UGGT1: variants seen among roughly 807,000 people sequenced by gnomAD.
UGGT1 encodes the protein UDP-glucose glycoprotein glucosyltransferase 1.
Under a neutral mutation model 203.9 loss-of-function variants are expected in UGGT1, and 107 were observed. The observed-to-expected ratio is 0.52, with a 90% confidence interval of 0.45 to 0.62. The LOEUF is 0.62. Ranked by LOEUF, UGGT1 falls within the 20% of genes least tolerant of loss-of-function variation. UGGT1 has a pLI of 0.00. For synonymous variants in UGGT1, 628 were observed against 653.5 expected (o/e 0.96, Z 0.59); for missense variants, 1,673 against 1,867.2 (o/e 0.90, Z 1.92).
intron 2 of UGGT1, among the ~76,000 whole-genome samples, chr2:128,098,122 C>T (rs932734179): frequency 4.6e-5 from 7 of 152,150 alleles, no homozygotes; most frequent in African/African-American, 7.2e-5. Context: ...CTTGGCCTCC[C>T]AAAGTGCTGG....
chr2:128,186,621 A>T, intron 38 of UGGT1, 62 bp from the exon 39 acceptor site: 1 of 1,396,942 alleles, frequency 7.2e-7, no homozygotes, highest in Non-Finnish European at 9.9e-7. Context: ...TAAATAAATA[A>T]ATAAATATCG....
At chr2:128,124,240 C>T (rs1688511212) in intron 11 of UGGT1, among the ~76,000 whole-genome samples, 1 of 152,184 alleles carries the variant, frequency 6.6e-6, no homozygotes, top group African/African-American at 2.4e-5. Flanking sequence ...GCCACCGCGC[C>T]CAGCCAACTT....
chr2:128,180,421 C>T (rs1327120172), intron 35 of UGGT1, among the ~76,000 whole-genome samples: 1 of 152,162 alleles, frequency 6.6e-6, no homozygotes, highest in Non-Finnish European at 1.5e-5. Flanking sequence ...CACTTTACTG[C>T]TGGCGCCTAA....
chr2:128,092,836 G>C (rs1468901257), intron 1 of UGGT1, among the ~76,000 whole-genome samples: 1 of 151,964 alleles, frequency 6.6e-6, no homozygotes, highest in Non-Finnish European at 1.5e-5. Flanking sequence ...GTTGATAGTT[G>C]GGCCTAGAAC....
chr2:128,180,266 A>AT (rs1365463368), intron 35 of UGGT1, among the ~76,000 whole-genome samples: 1 of 152,340 alleles, frequency 6.6e-6, no homozygotes, highest in African/African-American at 2.4e-5. Context: ...TCTGTGCAAA[A>AT]CAAAACACGT....
At chr2:128,181,989 G>A in intron 36 of UGGT1, 141 bp from the exon 37 acceptor site, 1 of 696,108 alleles carries the variant, frequency 1.4e-6, no homozygotes, top group Non-Finnish European at 2.4e-6. Context: ...AGCAATCAAA[G>A]TGCATCTGCC....
chr2:128,169,551 A>G (rs973871107), intron 26 of UGGT1, among the ~76,000 whole-genome samples: 27 of 152,224 alleles, frequency 1.8e-4, no homozygotes, highest in African/African-American at 6.0e-4. Context: ...TCTCATGTCT[A>G]GCACTTCCTT....
chr2:128,122,498 C>T (rs903868819), intron 10 of UGGT1, among the ~76,000 whole-genome samples: 4 of 151,068 alleles, frequency 2.6e-5, no homozygotes, highest in Non-Finnish European at 4.4e-5. Flanking sequence ...CATGCCATTG[C>T]ACTCCAGCCT....
intron 26 of UGGT1, among the ~76,000 whole-genome samples, chr2:128,169,142 A>C (rs544518532): frequency 6.9e-6 from 1 of 145,136 alleles, no homozygotes; most frequent in East Asian, 2.2e-4. Flanking sequence ...AAGCCAAGGC[A>C]GGAGGATCAC....
rs748641641 is a variant in UGGT1, at chr2:128,129,026, C to T, written c.1227-3C>T. 1.9e-6 allele frequency: 3 copies of T among 1,563,332 alleles called. No homozygotes were observed. Among genetic ancestry groups the T allele is most frequent in the African/African-American group, 1.4e-5 (1 of 71,790 alleles). On this transcript the variant is annotated splice_region_variant and splice_polypyrimidine_tract_variant and intron_variant, in intron 12 of 40. Coordinates refer to ENST00000259253, the MANE Select transcript of UGGT1 (RefSeq NM_020120.4). ...AAATATCTCTTTTTGTTTTTCCCCC[C>T]AGTCTGTTTGATGTGTTGAGGAATG...
In UGGT1 at chr2:128,189,767, C is replaced by T. The variant is rs781564322; in HGVS notation, c.*25C>T. 43 of 1,611,736 alleles carry T rather than the reference C, an allele frequency of 2.7e-5. No individual in the cohort carries two copies. Among genetic ancestry groups the T allele is most frequent in the South Asian group, 7.7e-5 (7 of 90,664 alleles). ...ATCTCTGGAGAAGGACAGGAAATCACCCCATTTGAAAAACAGTTTTTATAA... is the reference window on the plus strand; with the variant it reads ...ATCTCTGGAGAAGGACAGGAAATCATCCCATTTGAAAAACAGTTTTTATAA... On this transcript the variant is annotated 3_prime_UTR_variant, in exon 41 of 41. Coordinates refer to ENST00000259253, the MANE Select transcript of UGGT1 (RefSeq NM_020120.4).
chr2:128,120,736 C>G (rs1254044520), intron 9 of UGGT1, among the ~76,000 whole-genome samples: 1 of 152,088 alleles, frequency 6.6e-6, no homozygotes, highest in Non-Finnish European at 1.5e-5. Context: ...GTCCTAAGTT[C>G]CTATATATAT....
intron 21 of UGGT1, among the ~76,000 whole-genome samples, chr2:128,156,948 A>G (rs966656122): frequency 3.3e-5 from 5 of 152,188 alleles, no homozygotes; most frequent in Admixed American, 1.3e-4. Flanking sequence ...AAAAATGACA[A>G]TATGTTACCC....
chr2:128,150,551 CA>C (rs1689899151), intron 18 of UGGT1, among the ~76,000 whole-genome samples: 1 of 140,978 alleles, frequency 7.1e-6, no homozygotes, highest in Non-Finnish European at 1.6e-5. Context: ...TTCCTCAAGA[CA>C]ACTACCATGT....
chr2:128,150,668 CTTT>C (rs1205834782), intron 18 of UGGT1, among the ~76,000 whole-genome samples: 2 of 136,698 alleles, frequency 1.5e-5, no homozygotes, highest in African/African-American at 5.4e-5. Flanking sequence ...TAATTAATAA[CTTT>C]TTTTTTTTTT....
At chr2:128,184,607 A>G (rs975758702) in intron 38 of UGGT1, among the ~76,000 whole-genome samples, 1 of 152,226 alleles carries the variant, frequency 6.6e-6, no homozygotes, top group African/African-American at 2.4e-5. Context: ...GCATGTATCC[A>G]TAAACACTAG....
rs907976754 is a variant in UGGT1 at position 128,177,762 on chromosome 2, A to G, written c.3625-70A>G. On this transcript the variant is annotated intron_variant, in intron 32 of 40. Transcript: ENST00000259253. ...CCTATTGATGACAGGCTCACAGTGT[A>G]TATCCAGTGAGAGGCAGTTTTATGC... 1.2e-5 allele frequency: 15 copies of G among 1,281,550 alleles called. No individual in the cohort carries two copies. The East Asian group carries it at 2.5e-4, about 21-fold the overall frequency. 79.4% of individuals were successfully genotyped at this position (1,281,550 alleles called of 1,614,324 possible). A position where few individuals can be genotyped will look rare whatever the true frequency, so the allele number is the denominator to read the frequency against.
intron 4 of UGGT1, among the ~76,000 whole-genome samples, chr2:128,109,092 G>A (rs944872324): frequency 3.3e-5 from 5 of 151,998 alleles, no homozygotes; most frequent in South Asian, 2.1e-4. Flanking sequence ...GGATTTCGCC[G>A]TGTTGGCTAG....
intron 11 of UGGT1, 104 bp downstream of exon 11, chr2:128,123,350 C>A: frequency 2.1e-6 from 2 of 971,192 alleles, no homozygotes; most frequent in Non-Finnish European, 1.5e-6. Flanking sequence ...CTTCTTTTAT[C>A]TAAGATGGTG....
Sources: allele counts gnomAD v4.1 joint callset (sites outside exome capture counted in the v4.1 genomes callset), GRCh38; gene constraint gnomAD v4.1.1; transcripts MANE v1.5; gene names NCBI Gene and HGNC (gene_info 2026-07-23, HGNC 2026-07-21).